Variants in ASAP1 observed in about 807,000 individuals in gnomAD.
The protein encoded by ASAP1 is arf-GAP with SH3 domain, ANK repeat and PH domain-containing protein 1.
Under a neutral mutation model 145.2 loss-of-function variants are expected in ASAP1, and 43 were observed. The observed-to-expected ratio is 0.30, with a 90% confidence interval of 0.23 to 0.38. ASAP1 has a LOEUF of 0.38. Ranked by LOEUF, ASAP1 falls within the 10% of genes least tolerant of loss-of-function variation. The pLI, the probability that ASAP1 is intolerant of heterozygous loss-of-function variation, is 1.00. For synonymous variants in ASAP1, 546 were observed against 515.5 expected, an observed-to-expected ratio of 1.06 and a Z score of -0.80; for missense variants, 1,018 against 1,355.3, an observed-to-expected ratio of 0.75 and a Z score of 3.91.
At position 130,107,695 on chromosome 8, in the gene ASAP1, G is replaced by A. The variant is rs546933432; in HGVS notation, c.2401+4399C>T. Among the ~76,000 whole-genome samples, 17 of 151,806 alleles carry A rather than the reference G, an allele frequency of 1.1e-4. 1 individual carries two copies. The South Asian group carries it at 3.5e-3, about 32-fold the overall frequency. On this transcript the variant is annotated intron_variant, in intron 24 of 29. Coordinates refer to ENST00000518721, the MANE Select transcript of ASAP1 (RefSeq NM_018482.4). ...CCTGAGTAGCTGGGATTACAGGCAC[G>A]GGCCACCAAGCCTGGTTAATTCTGT...
chr8:130,112,208 G>T lies in ASAP1; in HGVS notation c.2287C>A (p.Gln763Lys). 1 of 1,614,222 alleles carries T rather than the reference G, an allele frequency of 6.2e-7. No homozygotes were observed. The highest frequency in any genetic ancestry group is 8.5e-7 in the Non-Finnish European group (1 of 1,180,042). The change falls in exon 24 of 30, where the codon CAG becomes AAG. Residue 763 changes from glutamine (Q) to lysine (K), a missense_variant. By Grantham distance (53) the Gln-to-Lys change is moderately conservative. Transcript: ENST00000518721. ...LPGFSTPRDK[Q>K]RLSYGAFTNQ... ...GTGAAGGCTCCATAGGAGAGCCGCT[G>T]TTTGTCCCTTGGAGTGCTGAATCCT...
At chr8:130,433,807 CTTTA>C (rs1222270536) in intron 1 of ASAP1, among the ~76,000 whole-genome samples, 6 of 152,194 alleles carry the variant, frequency 3.9e-5, no homozygotes, top group Non-Finnish European at 8.8e-5. Context: ...TTATATATTG[CTTTA>C]TTTGACACCC....
intron 3 of ASAP1, among the ~76,000 whole-genome samples, chr8:130,336,748 G>C (rs1825060613): frequency 6.6e-6 from 1 of 152,084 alleles, no homozygotes; most frequent in African/African-American, 2.4e-5. Context: ...ACCGAACAGT[G>C]ACAAAAAAGT....
chr8:130,358,904 A>C lies in ASAP1; in HGVS notation c.60-761T>G, dbSNP rs1465567448. Reference sequence around the variant, plus strand: ...CGAGCTCGTTGCGCGAGCGTTTTGCAAGAAGGGGGCCCAAAAAAGTTGTAC... The same window carrying C: ...CGAGCTCGTTGCGCGAGCGTTTTGCCAGAAGGGGGCCCAAAAAAGTTGTAC... On this transcript the variant is annotated intron_variant, in intron 2 of 29. Transcript: ENST00000518721. The surrounding 1 kb of genome is among the most constrained non-coding windows in gnomAD (Gnocchi z 4.1). 6.6e-6 allele frequency among the ~76,000 whole-genome samples: 1 copy of C among 151,950 alleles called. No homozygotes were observed. The highest frequency in any genetic ancestry group is 1.5e-5 in the Non-Finnish European group (1 of 67,970).
In ASAP1 at chr8:130,115,691, T is replaced by TACGTGG; in HGVS notation, c.2103_2108dup (p.His702_Val703dup). 9.9e-6 allele frequency: 16 copies of TACGTGG among 1,614,218 alleles called. No homozygotes were observed. The highest frequency in any genetic ancestry group is 1.4e-5 in the Non-Finnish European group (16 of 1,180,026). Reference sequence around the variant, plus strand: ...CCTGTCGAAGATTCCACTCATATTCTACGTGGACGTGTGGATTGAACTTTC... The same window carrying TACGTGG: ...CCTGTCGAAGATTCCACTCATATTCTACGTGGACGTGGACGTGTGGATTGAACTTTC... On this transcript the variant is annotated inframe_insertion, in exon 23 of 30. Transcript: ENST00000518721.
chr8:130,080,038 T>TA, intron 25 of ASAP1, 67 bp from the exon 26 acceptor site: 2 of 1,437,318 alleles, frequency 1.4e-6, no homozygotes, highest in South Asian at 2.3e-5. Flanking sequence ...AATACATGGG[T>TA]TTGGCCTGTA....
At chr8:130,403,323 G>A (rs1289926088) in intron 1 of ASAP1, among the ~76,000 whole-genome samples, 3 of 150,108 alleles carry the variant, frequency 2.0e-5, no homozygotes, top group Non-Finnish European at 3.0e-5. Context: ...ATCCAAATAA[G>A]ACTGACACTT....
At chr8:130,205,140 T>C (rs1225603815) in intron 5 of ASAP1, among the ~76,000 whole-genome samples, 1 of 152,102 alleles carries the variant, frequency 6.6e-6, no homozygotes, top group Non-Finnish European at 1.5e-5. Flanking sequence ...CAATAAGCGA[T>C]GGTTTTTCTT....
chr8:130,239,626 C>T, intron 3 of ASAP1, among the ~76,000 whole-genome samples: 1 of 152,040 alleles, frequency 6.6e-6, no homozygotes, highest in East Asian at 1.9e-4. Context: ...ATATATAAGA[C>T]ATTTAGATTG....
intron 27 of ASAP1, among the ~76,000 whole-genome samples, chr8:130,071,009 G>GAGAGAGAGAGAGA (rs1450787966): frequency 1.0e-3 from 7 of 7,012 alleles, no homozygotes; most frequent in African/African-American, 5.4e-3. Flanking sequence ...GAGGGGAGGG[G>GAGAGAGAGAGAGA]GGGAGAGAGA....
intron 2 of ASAP1, among the ~76,000 whole-genome samples, chr8:130,363,235 T>C (rs1826798188): frequency 2.0e-5 from 3 of 152,302 alleles, no homozygotes; most frequent in South Asian, 4.2e-4. Flanking sequence ...ATATAACTTA[T>C]GATATTCTTG....
At chr8:130,232,375 G>A (rs556570327) in intron 4 of ASAP1, among the ~76,000 whole-genome samples, 8 of 152,326 alleles carry the variant, frequency 5.3e-5, no homozygotes, top group Admixed American at 5.2e-4. Flanking sequence ...GGGAAAGGGA[G>A]AGGGACCACT....
chr8:130,141,354 T>C (rs1019654166), intron 13 of ASAP1, among the ~76,000 whole-genome samples: 2 of 152,118 alleles, frequency 1.3e-5, no homozygotes, highest in Admixed American at 1.3e-4. Context: ...CACTGGTCCC[T>C]CCTGCTGCTC....
intron 12 of ASAP1, among the ~76,000 whole-genome samples, chr8:130,153,318 A>T (rs994705514): frequency 1.2e-4 from 16 of 131,514 alleles, no homozygotes; most frequent in African/African-American, 4.5e-4. Flanking sequence ...GCACCTGGCC[A>T]GCACTGCTTT....
intron 27 of ASAP1, among the ~76,000 whole-genome samples, chr8:130,075,154 A>G (rs2097459473): frequency 6.6e-6 from 1 of 152,174 alleles, no homozygotes; most frequent in Non-Finnish European, 1.5e-5. Context: ...ATGGGGATAC[A>G]TGCCTGGGAA....
In ASAP1 at chr8:130,079,888, C is replaced by T. The variant is rs755770115; in HGVS notation, c.2642+14G>A. On this transcript the variant is annotated intron_variant, in intron 26 of 29. Coordinates refer to ENST00000518721, the MANE Select transcript of ASAP1 (RefSeq NM_018482.4). Reference sequence around the variant, plus strand: ...TGGATCCAACAGGGGAAATGAAGCGCTGAGATGGCTTACCTCGACTGCTGG... The same window carrying T: ...TGGATCCAACAGGGGAAATGAAGCGTTGAGATGGCTTACCTCGACTGCTGG... The T allele has an allele frequency of 1.2e-6, 2 of 1,612,586 alleles. No homozygotes were observed. Among genetic ancestry groups the T allele is most frequent in the African/African-American group, 1.3e-5 (1 of 74,908 alleles).
At chr8:130,348,952 C>G (rs988049989) in intron 3 of ASAP1, among the ~76,000 whole-genome samples, 1 of 152,214 alleles carries the variant, frequency 6.6e-6, no homozygotes, top group Non-Finnish European at 1.5e-5. Flanking sequence ...GAAGGGGCAG[C>G]TTTCACACAC....
In ASAP1 at chr8:130,255,091, A is replaced by G. The variant is rs1783988611; in HGVS notation, c.187-18097T>C. On this transcript the variant is annotated intron_variant, in intron 3 of 29. Transcript: ENST00000518721. ...TCCCAAATCAAAATTCAGTTTTTAA[A>G]AAATTATTCTGTTCACAGATCTCCC... Among the ~76,000 whole-genome samples, 3 of 152,302 alleles carry G rather than the reference A, an allele frequency of 2.0e-5. No homozygotes were observed. In the South Asian group the frequency reaches 6.2e-4, roughly 32 times the overall value.
chr8:130,321,847 G>A (rs1481759525), intron 3 of ASAP1, among the ~76,000 whole-genome samples: 1 of 152,124 alleles, frequency 6.6e-6, no homozygotes, highest in Non-Finnish European at 1.5e-5. Context: ...TGAGATTCAA[G>A]GCTCTTAATA....
Sources: allele counts gnomAD v4.1 joint callset (sites outside exome capture counted in the v4.1 genomes callset), GRCh38; gene constraint gnomAD v4.1.1; non-coding constraint Gnocchi (gnomAD v3.1); transcripts MANE v1.5; gene names NCBI Gene and HGNC (gene_info 2026-07-23, HGNC 2026-07-21).